The following DTX1 variants were observed in gnomAD, a reference collection of about 807,000 sequenced individuals.
DTX1 encodes the protein deltex E3 ubiquitin ligase 1.
A neutral mutation model predicts 57.8 loss-of-function variants in DTX1; 26 were observed. The observed-to-expected ratio is 0.45, with a 90% CI of 0.33 to 0.62. The LOEUF (loss-of-function observed/expected upper bound fraction) is 0.62. Among genes scored for constraint, DTX1 ranks in the 20% least tolerant of loss-of-function variants. The probability of loss-of-function intolerance (pLI) is 0.02; values close to 1 mark genes in which losing one functional copy is unlikely to be tolerated. For missense variants in DTX1, 704 were observed against 895.3 expected (o/e 0.79, Z 2.73); for synonymous variants, 398 against 394.1 (o/e 1.01, Z -0.12).
Position 113,068,717 on chromosome 12 carries a change from A to G in DTX1, c.260-8707A>G, listed in dbSNP as rs12303264. On this transcript the variant is annotated intron_variant, in intron 2 of 9. Transcript: ENST00000548759. ...GATAGCTGTGGAGCAGAGGAGTGAC[A>G]CAGTCCAGCCTTGAGTCTGTGAAAA... Among the ~76,000 whole-genome samples, 627 of 152,316 alleles carry G rather than the reference A, an allele frequency of 4.1e-3. 7 individuals are homozygous for G. The highest frequency in any genetic ancestry group is 0.014 in the African/African-American group (565 of 41,558).
At chr12:113,092,221 G>T (rs752647431) in intron 3 of DTX1, among the ~76,000 whole-genome samples, 1 of 152,084 alleles carries the variant, frequency 6.6e-6, no homozygotes, top group African/African-American at 2.4e-5. Context: ...GGATTGCACA[G>T]CTGACAGTGA....
Position 113,079,515 on chromosome 12 carries a change from C to CTT in DTX1, c.941+1439_941+1440dup, listed in dbSNP as rs3038193. 3.1e-3 allele frequency among the ~76,000 whole-genome samples: 242 copies of CTT among 77,178 alleles called. 22 individuals are homozygous for CTT. The highest frequency in any genetic ancestry group is 4.0e-3 in the East Asian group (10 of 2,484). The allele number at this position is 77,178 out of a possible 152,430, so 50.6% of individuals were successfully genotyped here. A position where few individuals can be genotyped will look rare whatever the true frequency, so the allele number is the denominator to read the frequency against. On this transcript the variant is annotated intron_variant, in intron 3 of 9. Coordinates refer to ENST00000548759, the MANE Select transcript of DTX1 (RefSeq NM_004416.3). Reference sequence around the variant, plus strand: ...TTCGAATCCCCTCTTGGCCACTTCTCTTTTTTTTTTTTTTTTTTTTTTTTT... The same window carrying CTT: ...TTCGAATCCCCTCTTGGCCACTTCTCTTTTTTTTTTTTTTTTTTTTTTTTTTT...
At chr12:113,095,020 A>G (rs746025585) in intron 7 of DTX1, 22 bp from the exon 8 acceptor site, 5 of 1,604,046 alleles carry the variant, frequency 3.1e-6, no homozygotes, top group Non-Finnish European at 4.3e-6. Context: ...CTGGGAACTC[A>G]CTGCCAGCCT....
At chr12:113,058,946 GGATTT>G (rs1464963005) in intron 2 of DTX1, among the ~76,000 whole-genome samples, 3 of 152,160 alleles carry the variant, frequency 2.0e-5, no homozygotes, top group Admixed American at 2.0e-4. Context: ...CTCAGAGCTG[GGATTT>G]AAACCCAGGC....
In DTX1 at chr12:113,096,860, A is replaced by G; in HGVS notation, c.1784A>G (p.Tyr595Cys). ...EFGSNLTGHG[Y>C]PDASYLDNVL... The stretch of plus-strand genomic sequence containing the variant: ...GGATCCAACCTCACGGGCCACGGCT[A>G]CCCGGACGCTAGCTACCTAGACAAC... Residue 595 changes from tyrosine (Y) to cysteine (C), a missense_variant, in exon 10 of 10, where the codon TAC (tyrosine) becomes TGC (cysteine). Physicochemically the swap from Tyr to Cys is radical, Grantham distance 194. Transcript: ENST00000548759. 6.2e-7 allele frequency: 1 copy of G among 1,613,818 alleles called. No individual in the cohort carries two copies. The highest frequency in any genetic ancestry group is 8.5e-7 in the Non-Finnish European group (1 of 1,180,018).
intron 2 of DTX1, among the ~76,000 whole-genome samples, chr12:113,066,675 C>T (rs1030684083): frequency 1.3e-5 from 2 of 149,218 alleles, no homozygotes; most frequent in African/African-American, 4.9e-5. Flanking sequence ...GGTCACTATT[C>T]ATTCATTCAT....
rs1160548355 is a variant in DTX1 at position 113,094,113 on chromosome 12, G to T, written c.1227+14G>T. On this transcript the variant is annotated intron_variant, in intron 6 of 9. Coordinates refer to ENST00000548759, the MANE Select transcript of DTX1 (RefSeq NM_004416.3). ...CCACCTGATGAGGTGAGGAGGGGAT[G>T]GGGGGGCTGGGGGAGGGCCCTGGCA... 1 of 1,480,342 alleles carries T rather than the reference G, an allele frequency of 6.8e-7. No individual in the cohort carries two copies. The highest frequency in any genetic ancestry group is 9.3e-7 in the Non-Finnish European group (1 of 1,080,732). 91.7% of individuals were successfully genotyped at this position (1,480,342 alleles called of 1,614,324 possible).
intron 3 of DTX1, 78 bp downstream of exon 3, chr12:113,078,183 G>A: frequency 9.2e-7 from 1 of 1,092,172 alleles, no homozygotes; most frequent in Non-Finnish European, 1.1e-6. Context: ...TTGGCCACTA[G>A]GGCAGGAGCA....
chr12:113,091,329 C>G (rs553309920), intron 3 of DTX1, among the ~76,000 whole-genome samples: 1 of 151,846 alleles, frequency 6.6e-6, no homozygotes, highest in East Asian at 1.9e-4. Flanking sequence ...GGGGCGTGCC[C>G]TGAAGTGTGC....
intron 3 of DTX1, among the ~76,000 whole-genome samples, chr12:113,082,346 C>G (rs565753827): frequency 2.0e-4 from 31 of 152,338 alleles, no homozygotes; most frequent in African/African-American, 7.5e-4. Flanking sequence ...CCCTCTGGCT[C>G]TCAAGACCCG....
intron 2 of DTX1, among the ~76,000 whole-genome samples, chr12:113,060,504 G>A (rs1902954): frequency 0.17 from 26,513 of 152,168 alleles, 2,643 homozygotes; most frequent in Middle Eastern, 0.33. Context: ...CCCAGGCAGA[G>A]GGCACAGCCA....
rs140926138 is a variant in DTX1, at chr12:113,093,621, C to T, written c.1086C>T (p.Pro362=). 2 of 1,613,342 alleles carry T rather than the reference C, an allele frequency of 1.2e-6. No individual in the cohort carries two copies. Among genetic ancestry groups the T allele is most frequent in the South Asian group, 2.2e-5 (2 of 91,064 alleles). Residue 362 remains proline (P), a synonymous_variant, in exon 5 of 10, where the codon CCC becomes CCT. Coordinates refer to ENST00000548759, the MANE Select transcript of DTX1 (RefSeq NM_004416.3). The surrounding 1 kb of genome is among the most constrained non-coding windows in gnomAD (Gnocchi z 4.2). Reference sequence around the variant, plus strand: ...CCAAGCCCATCCTGCACCCGCCGCCCGTGAGCAAGAGCGACGTGAAGCCCG... The same window carrying T: ...CCAAGCCCATCCTGCACCCGCCGCCTGTGAGCAAGAGCGACGTGAAGCCCG... ...RAPKPILHPP[P]VSKSDVKPVP... is the part of the protein sequence containing the mutation.
intron 2 of DTX1, 48 bp downstream of exon 2, chr12:113,058,499 A>C: frequency 6.4e-7 from 1 of 1,557,152 alleles, no homozygotes; most frequent in Non-Finnish European, 8.7e-7. Flanking sequence ...AGCCATCACT[A>C]CCTTGCAGCG....
intron 2 of DTX1, among the ~76,000 whole-genome samples, chr12:113,063,091 G>A (rs1173652231): frequency 2.0e-5 from 3 of 152,210 alleles, no homozygotes; most frequent in Admixed American, 2.0e-4. Flanking sequence ...CCAAGTGCCC[G>A]GTTTCCCTCA....
chr12:113,094,974 G>T, intron 7 of DTX1, 27 bp downstream of exon 7: 2 of 1,607,932 alleles, frequency 1.2e-6, no homozygotes, highest in Non-Finnish European at 1.7e-6. Context: ...AATGGCTGAG[G>T]AGTGGGCAGG....
chr12:113,081,340 A>G (rs2044815880), intron 3 of DTX1, among the ~76,000 whole-genome samples: 1 of 152,184 alleles, frequency 6.6e-6, no homozygotes, highest in Non-Finnish European at 1.5e-5. Flanking sequence ...AAAAAAATTA[A>G]AAAAAGAGAG....
rs1364078498 is a variant in DTX1, at chr12:113,097,073, C to A, written c.*134C>A. The A allele has an allele frequency of 2.0e-6, 2 of 997,084 alleles. No individual in the cohort carries two copies. Among genetic ancestry groups the A allele is most frequent in the Non-Finnish European group, 1.4e-6 (1 of 699,474 alleles). The allele number at this position is 997,084 out of a possible 1,614,324, so 61.8% of individuals were successfully genotyped here. A position where few individuals can be genotyped will look rare whatever the true frequency, so the allele number is the denominator to read the frequency against. ...GAAGGGGCCGCAGCCATTCAGGGGA[C>A]CTGCCTGGTGGCAGCTGGGATGAAG... On this transcript the variant is annotated 3_prime_UTR_variant, in exon 10 of 10. Coordinates refer to ENST00000548759, the MANE Select transcript of DTX1 (RefSeq NM_004416.3).
chr12:113,090,850 G>A (rs1344747164), intron 3 of DTX1, among the ~76,000 whole-genome samples: 1 of 152,226 alleles, frequency 6.6e-6, no homozygotes, highest in Non-Finnish European at 1.5e-5. Context: ...CAGGCTGAGT[G>A]TCTGTGTGTC....
chr12:113,071,243 G>C (rs930604180), intron 2 of DTX1, among the ~76,000 whole-genome samples: 3 of 152,198 alleles, frequency 2.0e-5, no homozygotes, highest in African/African-American at 7.2e-5. Flanking sequence ...TGGCAGCTGT[G>C]GCTGTGGCCG....
Sources: gnomAD v4.1 joint callset for allele counts (sites outside exome capture counted in the v4.1 genomes callset) on GRCh38, gnomAD v4.1.1 for gene constraint, Gnocchi (gnomAD v3.1) non-coding constraint, MANE v1.5 for transcripts, NCBI Gene and HGNC (gene_info 2026-07-23, HGNC 2026-07-21) for gene names.